The following LRRC49 variants were observed in gnomAD, a reference collection of about 807,000 sequenced individuals.
The protein encoded by LRRC49 is leucine-rich repeat-containing protein 49.
In LRRC49, 50 loss-of-function variants were observed where a neutral mutation model predicts 83.3. The ratio of observed to expected loss-of-function variants is 0.60; its 90% CI spans 0.48 to 0.76. The LOEUF (loss-of-function observed/expected upper bound fraction) is 0.76, where lower values mean the gene tolerates loss of function less well. Among genes scored for constraint, LRRC49 ranks in the 30% least tolerant of loss-of-function variants. The probability of loss-of-function intolerance (pLI) is 0.00; values close to 1 mark genes in which losing one functional copy is unlikely to be tolerated. For missense variants in LRRC49, 704 were observed against 809.1 expected, an observed-to-expected ratio of 0.87 and a Z score of 1.58; for synonymous variants, 286 against 283.3, an observed-to-expected ratio of 1.01 and a Z score of -0.10.
intron 1 of LRRC49, among the ~76,000 whole-genome samples, chr15:70,855,854 C>T (rs546099886): frequency 6.6e-6 from 1 of 152,326 alleles, no homozygotes; most frequent in African/African-American, 2.4e-5. Context: ...CTTTTTCCAG[C>T]CAGCTGTGCC....
intron 14 of LRRC49, among the ~76,000 whole-genome samples, chr15:71,015,511 A>G (rs1375071631): frequency 6.6e-6 from 1 of 152,180 alleles, no homozygotes; most frequent in Non-Finnish European, 1.5e-5. Flanking sequence ...GCTCAGCGGT[A>G]ATGCTTGCCC....
intron 1 of LRRC49, among the ~76,000 whole-genome samples, chr15:70,857,340 T>C (rs74246944): frequency 2.0e-5 from 3 of 152,020 alleles, no homozygotes; most frequent in Admixed American, 6.6e-5. Context: ...AGCTGGGAAG[T>C]TGGGACAAGG....
At chr15:70,983,395 G>A (rs758923284) in intron 10 of LRRC49, among the ~76,000 whole-genome samples, 1 of 151,972 alleles carries the variant, frequency 6.6e-6, no homozygotes, top group Non-Finnish European at 1.5e-5. Flanking sequence ...CTCTAAATCA[G>A]CAATCTGTTA....
chr15:70,865,106 A>G (rs1290233171), intron 1 of LRRC49, among the ~76,000 whole-genome samples: 1 of 151,984 alleles, frequency 6.6e-6, no homozygotes, highest in Non-Finnish European at 1.5e-5. Context: ...TCCTTCAGCA[A>G]TCCTCCTGCC....
chr15:70,987,219 C>T (rs1567085066), intron 11 of LRRC49, among the ~76,000 whole-genome samples: 1 of 152,180 alleles, frequency 6.6e-6, no homozygotes, highest in Non-Finnish European at 1.5e-5. Flanking sequence ...GGTACCATTT[C>T]TTCCTTGTAC....
At chr15:71,007,707 A>G (rs537929006) in intron 11 of LRRC49, among the ~76,000 whole-genome samples, 225 of 19,694 alleles carry the variant, frequency 0.011, 1 homozygote, top group East Asian at 0.086. Context: ...TATGAGAAGC[A>G]TGTATATATA....
chr15:70,928,866 A>G (rs1318205630), intron 7 of LRRC49, among the ~76,000 whole-genome samples: 1 of 152,168 alleles, frequency 6.6e-6, no homozygotes, highest in Non-Finnish European at 1.5e-5. Context: ...TGCCTGGCAC[A>G]TATCTTTCAT....
At chr15:71,038,873 G>A (rs2039610558) in intron 15 of LRRC49, among the ~76,000 whole-genome samples, 1 of 152,038 alleles carries the variant, frequency 6.6e-6, no homozygotes. Context: ...CAAAAATCAT[G>A]TATTGAACAC....
chr15:71,022,899 T>C (rs781080076), intron 14 of LRRC49, among the ~76,000 whole-genome samples: 6 of 152,224 alleles, frequency 3.9e-5, no homozygotes, highest in Non-Finnish European at 5.9e-5. Flanking sequence ...GACCAAATAC[T>C]GTTCATAAAG....
At chr15:71,020,789 T>C (rs2038969517) in intron 14 of LRRC49, among the ~76,000 whole-genome samples, 3 of 152,110 alleles carry the variant, frequency 2.0e-5, no homozygotes. Context: ...CTAAGAGAAT[T>C]CCCATTAGTA....
At chr15:70,876,030 C>T (rs905278180) in intron 2 of LRRC49, among the ~76,000 whole-genome samples, 1 of 152,088 alleles carries the variant, frequency 6.6e-6, no homozygotes, top group African/African-American at 2.4e-5. Flanking sequence ...ATAAGACAGG[C>T]TTAAGTGCAT....
Position 71,001,054 on chromosome 15 carries a change from G to T in LRRC49, c.1170-7325G>T, listed in dbSNP as rs138788844. Among the ~76,000 whole-genome samples the T allele has an allele frequency of 7.4e-4, 113 of 152,132 alleles. 1 individual carries two copies. Among genetic ancestry groups the T allele is most frequent in the African/African-American group, 2.6e-3 (110 of 41,514 alleles). ...TGTTCCTTTATGGTTTACCCACTTA[G>T]ATTGTGTTTAGGAAAACAAGTCCTT... On this transcript the variant is annotated intron_variant, in intron 11 of 15. Coordinates refer to ENST00000260382, the MANE Select transcript of LRRC49 (RefSeq NM_017691.5).
intron 15 of LRRC49, among the ~76,000 whole-genome samples, chr15:71,048,255 AT>A (rs2039914388): frequency 6.6e-6 from 1 of 150,652 alleles, no homozygotes; most frequent in African/African-American, 2.4e-5. Flanking sequence ...ACCTGGCTAA[AT>A]TTTTTATTCT....
At position 70,900,353 on chromosome 15, in the gene LRRC49, G is replaced by A. The variant is rs115490380; in HGVS notation, c.194-569G>A. 1,944 of 409,884 alleles carry A rather than the reference G, an allele frequency of 4.7e-3. 36 individuals carry two copies. The highest frequency in any genetic ancestry group is 0.036 in the African/African-American group (1,762 of 48,690). 25.4% of individuals were successfully genotyped at this position (409,884 alleles called of 1,614,324 possible). On this transcript the variant is annotated intron_variant, in intron 3 of 15. Coordinates refer to ENST00000260382, the MANE Select transcript of LRRC49 (RefSeq NM_017691.5). The stretch of plus-strand genomic sequence containing the variant: ...ATCTTGGCAATATTCTCTACTAATA[G>A]TGGCTGAACTTACAAAGAAAGAGAT...
upstream of LRRC49, among the ~76,000 whole-genome samples, chr15:70,888,623 C>T (rs1384638052): frequency 6.6e-6 from 1 of 152,006 alleles, no homozygotes; most frequent in Non-Finnish European, 1.5e-5. Flanking sequence ...GTAATTTGGA[C>T]TACATCAGAA....
chr15:70,918,097 C>T (rs1186411453), intron 6 of LRRC49: 3 of 152,430 alleles, frequency 2.0e-5, no homozygotes, highest in Non-Finnish European at 4.4e-5. Context: ...CTGGTCCAGC[C>T]ATAGCCTCGC....
upstream of LRRC49, among the ~76,000 whole-genome samples, chr15:70,889,416 A>T (rs1304784762): frequency 6.6e-6 from 1 of 152,120 alleles, no homozygotes; most frequent in Non-Finnish European, 1.5e-5. Flanking sequence ...GGGGCTGGAT[A>T]TGGGGTGATA....
rs139879143 is a variant in LRRC49, at chr15:71,029,945, C to T, written c.1704-7234C>T. Among the ~76,000 whole-genome samples, 39 of 152,278 alleles carry T rather than the reference C, an allele frequency of 2.6e-4. No individual in the cohort carries two copies. In the East Asian group the frequency reaches 6.0e-3, roughly 23 times the overall value. ...TGTGAGATGGGTCTCCTGAATACAG[C>T]ACACCGATGGGTCTTAACCCTTTAT... is the stretch of plus-strand genomic sequence containing the variant. On this transcript the variant is annotated intron_variant, in intron 14 of 15. Transcript: ENST00000260382.
chr15:71,012,678 A>C, intron 13 of LRRC49, 126 bp from the exon 14 acceptor site: 1 of 602,896 alleles, frequency 1.7e-6, no homozygotes, highest in Admixed American at 3.1e-5. Flanking sequence ...TCCACAGCAC[A>C]GGAGAATGTG....
Sources: gnomAD v4.1 joint callset for allele counts (sites outside exome capture counted in the v4.1 genomes callset) on GRCh38, gnomAD v4.1.1 for gene constraint, MANE v1.5 for transcripts, NCBI Gene and HGNC (gene_info 2026-07-23, HGNC 2026-07-21) for gene names.